ATP11C: variants seen among roughly 807,000 people sequenced by gnomAD.
ATP11C encodes phospholipid-transporting ATPase IG.
A neutral mutation model predicts 97.4 loss-of-function variants in ATP11C; 36 were observed. The ratio of observed to expected loss-of-function variants is 0.37; its 90% CI spans 0.28 to 0.49. ATP11C has a LOEUF of 0.49. ATP11C is among the 20% of genes least tolerant of loss of function. ATP11C has a pLI of 0.98. For missense variants in ATP11C, 730 were observed against 824.6 expected (o/e 0.89, Z 1.40); for synonymous variants, 275 against 290.9 (o/e 0.95, Z 0.56).
Position 139,796,434 on chromosome X carries a change from C to A in ATP11C, c.1045G>T (p.Val349Phe). The A allele has an allele frequency of 8.3e-7, 1 of 1,198,323 alleles. No homozygotes were observed. The highest frequency in any genetic ancestry group is 1.7e-5 in the African/African-American group (1 of 57,347). Residue 349 changes from valine to phenylalanine, a missense_variant, in exon 12 of 30, where the codon GTT (valine) becomes TTT (phenylalanine). Transcript: ENST00000682941. ...KMFTDFLSFM[V>F]LFNFIIPVSM... ...ACAGGAATGATAAAGTTGAATAGAACCATAAATGATAGGAAGTCGGTGAAC... is the reference window on the plus strand; with the variant it reads ...ACAGGAATGATAAAGTTGAATAGAAACATAAATGATAGGAAGTCGGTGAAC...
intron 1 of ATP11C, among the ~76,000 whole-genome samples, chrX:139,888,227 G>A (rs1412059152): frequency 2.8e-5 from 3 of 106,834 alleles, no homozygotes; most frequent in Admixed American, 1.0e-4. Flanking sequence ...TCTGCCTCCC[G>A]GGTTCAGGTG....
chrX:139,838,720 G>A (rs886682335), intron 1 of ATP11C, among the ~76,000 whole-genome samples: 1 of 112,344 alleles, frequency 8.9e-6, no homozygotes, highest in Non-Finnish European at 1.9e-5. Context: ...AGGCCAAGGT[G>A]GGCGGATCAC....
At chrX:139,738,180 T>A in intron 27 of ATP11C, 111 bp from the exon 28 acceptor site, 1 of 540,128 alleles carries the variant, frequency 1.9e-6, no homozygotes, top group Non-Finnish European at 2.6e-6. Flanking sequence ...CTTACATACA[T>A]TAATAAAAAT....
chrX:139,826,295 TAA>T (rs777225564), intron 2 of ATP11C, among the ~76,000 whole-genome samples: 82 of 109,631 alleles, frequency 7.5e-4, no homozygotes, highest in African/African-American at 2.7e-3. Flanking sequence ...GAAATGCAAA[TAA>T]AGTCATTCCA....
intron 28 of ATP11C, among the ~76,000 whole-genome samples, chrX:139,733,725 C>A (rs996067580): frequency 9.0e-6 from 1 of 111,619 alleles, no homozygotes; most frequent in Non-Finnish European, 1.9e-5. Flanking sequence ...GTTCCCCACC[C>A]CCGTGTTTAA....
chrX:139,808,367 G>A (rs763107490), intron 5 of ATP11C, among the ~76,000 whole-genome samples: 4 of 111,293 alleles, frequency 3.6e-5, no homozygotes, highest in South Asian at 3.7e-4. Context: ...AATCAAAGCC[G>A]ACAAACAATA....
At chrX:139,779,018 GATTCA>G (rs747462293) in intron 18 of ATP11C, among the ~76,000 whole-genome samples, 3 of 111,581 alleles carry the variant, frequency 2.7e-5, no homozygotes, top group Non-Finnish European at 5.6e-5. Flanking sequence ...AATGAAAAGG[GATTCA>G]ATTCAACAAG....
At chrX:139,788,654 T>C (rs1292864463) in intron 13 of ATP11C, among the ~76,000 whole-genome samples, 1 of 111,803 alleles carries the variant, frequency 8.9e-6, no homozygotes, top group African/African-American at 3.3e-5. Flanking sequence ...ATTCACAATC[T>C]AGCAATAGCT....
In ATP11C at chrX:139,820,405, T is replaced by A. The variant is rs1002344596; in HGVS notation, c.148-978A>T. 2.7e-5 allele frequency among the ~76,000 whole-genome samples: 3 copies of A among 110,217 alleles called. No homozygotes were observed. In the East Asian group the frequency reaches 8.5e-4, roughly 31 times the overall value. On this transcript the variant is annotated intron_variant, in intron 2 of 29. Coordinates refer to ENST00000682941, the MANE Select transcript of ATP11C (RefSeq NM_001353812.2). The stretch of plus-strand genomic sequence containing the variant: ...GACAAAGTGAGACCTGCCTCAAAAA[T>A]AAATAAATAATAAAATAAATAAATA...
chrX:139,928,573 A>G (rs180766091), intron 1 of ATP11C, among the ~76,000 whole-genome samples: 1 of 112,199 alleles, frequency 8.9e-6, no homozygotes, highest in Non-Finnish European at 1.9e-5. Context: ...ACTCAAAGCA[A>G]TAAATTAGCT....
At chrX:139,780,387 C>T (rs372788394) in intron 18 of ATP11C, among the ~76,000 whole-genome samples, 24 of 110,737 alleles carry the variant, frequency 2.2e-4, no homozygotes, top group Admixed American at 9.6e-5. Context: ...GATGCAAGGA[C>T]GGCTTAACAT....
chrX:139,850,824 T>C lies in ATP11C; in HGVS notation c.28-24001A>G, dbSNP rs753927957. On this transcript the variant is annotated intron_variant, in intron 1 of 29. Transcript: ENST00000682941. The stretch of plus-strand genomic sequence containing the variant: ...CTACTCGGGAGGCTGAGGCAGAGAA[T>C]TGTTGAACCCGGGAGGCGGAGGCTG... Among the ~76,000 whole-genome samples the C allele has an allele frequency of 6.3e-5, 7 of 110,290 alleles. No homozygotes were observed. The South Asian group carries it at 1.2e-3, about 19-fold the overall frequency.
At chrX:139,791,850 G>A (rs2082696406) in intron 12 of ATP11C, among the ~76,000 whole-genome samples, 1 of 111,449 alleles carries the variant, frequency 9.0e-6, no homozygotes, top group Non-Finnish European at 1.9e-5. Flanking sequence ...AGACTCCTCT[G>A]TATCAGTAAG....
intron 1 of ATP11C, among the ~76,000 whole-genome samples, chrX:139,912,264 T>A (rs1307121812): frequency 1.1e-4 from 12 of 107,809 alleles, no homozygotes; most frequent in Non-Finnish European, 2.1e-4. Flanking sequence ...ATAAGAAAGC[T>A]AAATATCTAA....
chrX:139,764,968 C>T (rs1382661707), intron 20 of ATP11C, among the ~76,000 whole-genome samples: 1 of 112,036 alleles, frequency 8.9e-6, no homozygotes, highest in Non-Finnish European at 1.9e-5. Flanking sequence ...ACCTGTTATA[C>T]TGTGTGCAGT....
chrX:139,735,903 T>C (rs2081433071), intron 28 of ATP11C, among the ~76,000 whole-genome samples: 1 of 111,742 alleles, frequency 8.9e-6, no homozygotes, highest in Non-Finnish European at 1.9e-5. Context: ...TGTTCATCAG[T>C]AGGTGGTTCA....
intron 20 of ATP11C, among the ~76,000 whole-genome samples, chrX:139,765,068 T>C (rs774949683): frequency 4.5e-5 from 5 of 110,896 alleles, no homozygotes; most frequent in African/African-American, 9.8e-5. Flanking sequence ...CATGAAAACA[T>C]AGACTAAAAA....
chrX:139,745,622 T>G, intron 25 of ATP11C, 100 bp downstream of exon 25: 1 of 895,995 alleles, frequency 1.1e-6, no homozygotes, highest in Non-Finnish European at 1.5e-6. Context: ...GTTTGTAAAA[T>G]GATTACAGCT....
chrX:139,906,717 G>A (rs1434058789), intron 1 of ATP11C, among the ~76,000 whole-genome samples: 2 of 109,409 alleles, frequency 1.8e-5, no homozygotes, highest in African/African-American at 6.7e-5. Flanking sequence ...GGGGAGCAGA[G>A]GTTGCAGTGA....
Sources: allele counts gnomAD v4.1 joint callset (sites outside exome capture counted in the v4.1 genomes callset), GRCh38; gene constraint gnomAD v4.1.1; transcripts MANE v1.5; gene names NCBI Gene and HGNC (gene_info 2026-07-23, HGNC 2026-07-21).